Variants in ZNHIT6 observed in about 807,000 individuals in gnomAD.
ZNHIT6 encodes the protein zinc finger HIT-type containing 6.
Under a neutral mutation model 57.2 loss-of-function variants are expected in ZNHIT6, and 45 were observed. The observed-to-expected ratio is 0.79, with a 90% CI of 0.62 to 1.01. The LOEUF is 1.01. ZNHIT6 is among the 50% of genes least tolerant of loss of function. ZNHIT6 has a pLI of 0.00. For synonymous variants in ZNHIT6, 188 were observed against 190.0 expected (o/e 0.99, Z 0.09); for missense variants, 528 against 567.3 (o/e 0.93, Z 0.70).
chr1:85,691,293 A>C (rs545175984), intron 5 of ZNHIT6, among the ~76,000 whole-genome samples: 2 of 152,378 alleles, frequency 1.3e-5, no homozygotes, highest in East Asian at 3.9e-4. Context: ...TTCCTCCTTT[A>C]AAAAGCAAAT....
chr1:85,691,699 A>G (rs1204737508), intron 5 of ZNHIT6, among the ~76,000 whole-genome samples: 1 of 152,150 alleles, frequency 6.6e-6, no homozygotes, highest in Non-Finnish European at 1.5e-5. Context: ...GAGCCTGGCC[A>G]ACACGGTGAA....
intron 5 of ZNHIT6, among the ~76,000 whole-genome samples, chr1:85,697,779 T>G (rs1393376132): frequency 6.6e-6 from 1 of 152,234 alleles, no homozygotes; most frequent in Non-Finnish European, 1.5e-5. Flanking sequence ...GCATCAGACT[T>G]AAAAGATCAC....
chr1:85,676,222 G>A (rs947943105), intron 8 of ZNHIT6, among the ~76,000 whole-genome samples: 3 of 151,590 alleles, frequency 2.0e-5, no homozygotes, highest in African/African-American at 7.3e-5. Context: ...TGTAATCCCA[G>A]CTACTCAAGA....
At position 85,706,467 on chromosome 1, in the gene ZNHIT6, G is replaced by A. The variant is rs2100726846; in HGVS notation, c.697C>T (p.Pro233Ser). The A allele has an allele frequency of 6.2e-7, 1 of 1,608,446 alleles. No individual in the cohort carries two copies. The highest frequency in any genetic ancestry group is 8.5e-7 in the Non-Finnish European group (1 of 1,178,858). ...CGTEEAKYRC[P>S]RCMRYSCSLP... ...CTGCAGGAATATCGCATACAACGTG[G>A]ACATCTGTACTTTGCTTCTTCTGTA... Residue 233 changes from proline (P) to serine (S), a missense_variant, in exon 2 of 10, where the codon CCA becomes TCA. Transcript: ENST00000370574.
chr1:85,688,433 T>C (rs1219168742), intron 5 of ZNHIT6, among the ~76,000 whole-genome samples: 2 of 152,248 alleles, frequency 1.3e-5, no homozygotes, highest in Admixed American at 6.5e-5. Flanking sequence ...TGTATTTTTC[T>C]GTACTGCGAA....
intron 8 of ZNHIT6, among the ~76,000 whole-genome samples, chr1:85,661,828 A>G (rs1428845859): frequency 6.6e-6 from 1 of 152,076 alleles, no homozygotes; most frequent in African/African-American, 2.4e-5. Context: ...CCATAAGACA[A>G]ACTACTTAGG....
intron 5 of ZNHIT6, among the ~76,000 whole-genome samples, chr1:85,688,086 C>G (rs1258758147): frequency 1.3e-5 from 2 of 151,756 alleles, no homozygotes; most frequent in African/African-American, 2.4e-5. Context: ...AAAAAACTAC[C>G]AGTAAACTGT....
chr1:85,682,044 C>T (rs1441928445), intron 5 of ZNHIT6, among the ~76,000 whole-genome samples: 10 of 116,388 alleles, frequency 8.6e-5, no homozygotes, highest in East Asian at 2.6e-4. Context: ...GACGGAGTTT[C>T]GCTCTGTTGC....
At chr1:85,655,823 CAACA>C (rs1034379217) in intron 9 of ZNHIT6, among the ~76,000 whole-genome samples, 5 of 152,078 alleles carry the variant, frequency 3.3e-5, no homozygotes, top group Non-Finnish European at 5.9e-5. Context: ...TACTGAAAAG[CAACA>C]AACAAACAAA....
intron 5 of ZNHIT6, among the ~76,000 whole-genome samples, chr1:85,689,145 A>G (rs989569490): frequency 7.9e-5 from 12 of 152,234 alleles, no homozygotes; most frequent in Non-Finnish European, 1.3e-4. Flanking sequence ...AAATTTCAGG[A>G]AAAAAATTTG....
chr1:85,704,798 T>C (rs530696808), intron 4 of ZNHIT6, among the ~76,000 whole-genome samples: 1 of 152,262 alleles, frequency 6.6e-6, no homozygotes, highest in Non-Finnish European at 1.5e-5. Context: ...GCAACTCCAA[T>C]ACTAAAATGA....
intron 5 of ZNHIT6, among the ~76,000 whole-genome samples, chr1:85,683,215 C>CA (rs560061512): frequency 1.0e-3 from 155 of 150,914 alleles, no homozygotes; most frequent in African/African-American, 3.4e-3. Flanking sequence ...GACCCTGTTT[C>CA]AAAAAAAAGA....
chr1:85,682,930 T>C (rs922947002), intron 5 of ZNHIT6, among the ~76,000 whole-genome samples: 2 of 152,174 alleles, frequency 1.3e-5, no homozygotes, highest in African/African-American at 4.8e-5. Context: ...AAAGAACTGC[T>C]GGGGATGGGC....
At chr1:85,688,956 T>A (rs559341297) in intron 5 of ZNHIT6, among the ~76,000 whole-genome samples, 5 of 152,190 alleles carry the variant, frequency 3.3e-5, no homozygotes, top group Non-Finnish European at 7.3e-5. Flanking sequence ...TGTATATAGC[T>A]CAAATCTGTT....
intron 5 of ZNHIT6, among the ~76,000 whole-genome samples, chr1:85,682,514 T>C (rs1486645767): frequency 1.3e-5 from 2 of 152,262 alleles, no homozygotes; most frequent in East Asian, 3.9e-4. Flanking sequence ...CCTGAATACA[T>C]TCAGAAAGCA....
rs142558800 is a variant in ZNHIT6 at position 85,665,053 on chromosome 1, A to G, written c.1248-7082T>C. On this transcript the variant is annotated intron_variant, in intron 8 of 9. Coordinates refer to ENST00000370574, the MANE Select transcript of ZNHIT6 (RefSeq NM_017953.4). ...ACTATGTTGGCCAGGCTGGTCTCAAACTCCTGACCTCAGGTGATCTGCCTG... is the reference window on the plus strand; with the variant it reads ...ACTATGTTGGCCAGGCTGGTCTCAAGCTCCTGACCTCAGGTGATCTGCCTG... Among the ~76,000 whole-genome samples the G allele has an allele frequency of 9.4e-3, 1,428 of 151,166 alleles. 58 individuals carry two copies. The highest frequency in any genetic ancestry group is 0.063 in the Admixed American group (959 of 15,188).
intron 5 of ZNHIT6, among the ~76,000 whole-genome samples, chr1:85,683,332 C>T (rs986435070): frequency 1.3e-5 from 2 of 152,192 alleles, no homozygotes; most frequent in Non-Finnish European, 2.9e-5. Flanking sequence ...TCCTGGCTCA[C>T]ATGGTGAAAC....
chr1:85,676,536 G>C (rs115906151), intron 8 of ZNHIT6, among the ~76,000 whole-genome samples: 13 of 152,200 alleles, frequency 8.5e-5, no homozygotes, highest in African/African-American at 3.1e-4. Context: ...TTGATTTAAA[G>C]TGAGAGATGT....
chr1:85,672,948 A>G lies in ZNHIT6; in HGVS notation c.1247+4288T>C, dbSNP rs527634835. Among the ~76,000 whole-genome samples, 3 of 152,358 alleles carry G rather than the reference A, an allele frequency of 2.0e-5. No homozygotes were observed. In the East Asian group the frequency reaches 5.8e-4, roughly 29 times the overall value. On this transcript the variant is annotated intron_variant, in intron 8 of 9. Coordinates refer to ENST00000370574, the MANE Select transcript of ZNHIT6 (RefSeq NM_017953.4). ...TAGATTTGGAAAACTGTACTTGAAT[A>G]GACAAAGTTGGTTGTTTTATAAATT...
Sources: allele counts gnomAD v4.1 joint callset (sites outside exome capture counted in the v4.1 genomes callset), GRCh38; gene constraint gnomAD v4.1.1; transcripts MANE v1.5; gene names NCBI Gene and HGNC (gene_info 2026-07-23, HGNC 2026-07-21).